Variants in FAM13A observed in about 807,000 individuals in gnomAD.
FAM13A encodes family with sequence similarity 13 member A.
Under a neutral mutation model 129.6 loss-of-function variants are expected in FAM13A, and 76 were observed. That is an observed-to-expected ratio of 0.59 (90% CI 0.49 to 0.71). The LOEUF (loss-of-function observed/expected upper bound fraction) is 0.71, where lower values mean the gene tolerates loss of function less well. Ranked by LOEUF, FAM13A falls within the 30% of genes least tolerant of loss-of-function variation. FAM13A has a pLI of 0.00. For missense variants in FAM13A, 1,108 were observed against 1,249.3 expected (o/e 0.89, Z 1.70); for synonymous variants, 443 against 449.9 (o/e 0.98, Z 0.20).
At chr4:88,961,391 T>C (rs1199797173) in intron 4 of FAM13A, among the ~76,000 whole-genome samples, 4 of 119,596 alleles carry the variant, frequency 3.3e-5, no homozygotes, top group African/African-American at 1.2e-4. Flanking sequence ...TTTTTGAGAC[T>C]GAGTCTTGCT....
At position 89,043,399 on chromosome 4, in the gene FAM13A, C is replaced by T. The variant is rs181647537; in HGVS notation, c.27+13539G>A. Among the ~76,000 whole-genome samples the T allele has an allele frequency of 7.6e-4, 116 of 152,204 alleles. 1 individual carries two copies. The highest frequency in any genetic ancestry group is 3.5e-3 in the Admixed American group (54 of 15,282). On this transcript the variant is annotated intron_variant, in intron 1 of 23. Coordinates refer to ENST00000264344, the MANE Select transcript of FAM13A (RefSeq NM_014883.4). ...AAGGAGAGATGGGCAAACAGAGGGGCTGTATTAAGAAAACAGTCATTTTTG... is the reference window on the plus strand; with the variant it reads ...AAGGAGAGATGGGCAAACAGAGGGGTTGTATTAAGAAAACAGTCATTTTTG...
intron 19 of FAM13A, among the ~76,000 whole-genome samples, chr4:88,740,743 T>A (rs1163056700): frequency 6.6e-6 from 1 of 152,232 alleles, no homozygotes; most frequent in African/African-American, 2.4e-5. Context: ...CTCAAAGTGA[T>A]CAACAGCAAG....
chr4:88,837,558 A>G (rs959291541), intron 7 of FAM13A, among the ~76,000 whole-genome samples: 1 of 151,608 alleles, frequency 6.6e-6, no homozygotes, highest in East Asian at 2.0e-4. Context: ...TGTACTAAAA[A>G]TACAAAAAAA....
intron 4 of FAM13A, among the ~76,000 whole-genome samples, chr4:88,945,715 T>C (rs1025333698): frequency 1.4e-5 from 2 of 146,902 alleles, no homozygotes; most frequent in Non-Finnish European, 3.0e-5. Flanking sequence ...TCAAACATTA[T>C]AAAAAGTCAC....
At chr4:88,992,858 T>C (rs1017878616) in intron 3 of FAM13A, among the ~76,000 whole-genome samples, 1 of 152,184 alleles carries the variant, frequency 6.6e-6, no homozygotes. Flanking sequence ...AGAATAAAAA[T>C]GTAATTCAGT....
chr4:88,887,530 C>CTTTTTTT lies in FAM13A; in HGVS notation c.843+18848_843+18849insAAAAAAA, dbSNP rs33953927. 3.1e-5 allele frequency among the ~76,000 whole-genome samples: 4 copies of CTTTTTTT among 128,756 alleles called. 1 individual carries two copies. Among genetic ancestry groups the CTTTTTTT allele is most frequent in the African/African-American group, 5.7e-5 (2 of 35,338 alleles). The allele number at this position is 128,756 out of a possible 152,430, so 84.5% of individuals were successfully genotyped here. ...TTGGTTCACATATGTACCTTTCTTT[C>CTTTTTTT]TTTCTTTTTTTTTTTTTTGAGACAG... On this transcript the variant is annotated intron_variant, in intron 6 of 23. Transcript: ENST00000264344.
chr4:88,955,435 C>T (rs999513220), intron 4 of FAM13A, among the ~76,000 whole-genome samples: 2 of 152,232 alleles, frequency 1.3e-5, no homozygotes, highest in Admixed American at 6.5e-5. Flanking sequence ...TACCCAGTCT[C>T]GGGTATGTCT....
chr4:88,859,742 T>C (rs1305571045), intron 6 of FAM13A, among the ~76,000 whole-genome samples: 1 of 152,168 alleles, frequency 6.6e-6, no homozygotes, highest in African/African-American at 2.4e-5. Flanking sequence ...ATTCAGGTAC[T>C]AAGATAGGCA....
intron 7 of FAM13A, among the ~76,000 whole-genome samples, chr4:88,847,244 A>T (rs1736791841): frequency 6.6e-6 from 1 of 152,166 alleles, no homozygotes; most frequent in African/African-American, 2.4e-5. Context: ...TGGGCTGGAC[A>T]TGGTGGTTCA....
rs781682577 is a variant in FAM13A at position 88,823,052 on chromosome 4, G to T, written c.1008-18000C>A. ...GAATCTCACAACTGTCTCTTCCACGGCAAGTTTGGTCGTCTGTACAGTGAA... is the reference window on the plus strand; with the variant it reads ...GAATCTCACAACTGTCTCTTCCACGTCAAGTTTGGTCGTCTGTACAGTGAA... On this transcript the variant is annotated intron_variant, in intron 7 of 23. Transcript: ENST00000264344. 7.4e-6 allele frequency: 12 copies of T among 1,611,630 alleles called. No homozygotes were observed. In the Admixed American group the frequency reaches 1.2e-4, roughly 16 times the overall value.
intron 3 of FAM13A, among the ~76,000 whole-genome samples, chr4:89,003,283 G>GAAA (rs33992424): frequency 6.8e-6 from 1 of 146,484 alleles, no homozygotes; most frequent in Non-Finnish European, 1.5e-5. Context: ...GAGCAATTTG[G>GAAA]AAAAAAAAAA....
At chr4:88,827,241 A>G (rs1444560939) in intron 7 of FAM13A, among the ~76,000 whole-genome samples, 1 of 152,160 alleles carries the variant, frequency 6.6e-6, no homozygotes, top group African/African-American at 2.4e-5. Context: ...TTGGGAATTC[A>G]CCAAACCTTC....
chr4:88,975,388 C>T (rs1469545680), intron 4 of FAM13A, among the ~76,000 whole-genome samples: 1 of 152,068 alleles, frequency 6.6e-6, no homozygotes. Flanking sequence ...TAAAAATTTG[C>T]CACTGAATTC....
chr4:89,041,985 C>T (rs569932296), intron 1 of FAM13A, among the ~76,000 whole-genome samples: 62 of 151,976 alleles, frequency 4.1e-4, no homozygotes, highest in African/African-American at 1.4e-3. Flanking sequence ...GTTTCTCTTC[C>T]TTAGTAAGAG....
At chr4:88,925,553 T>G (rs1579310477) in intron 5 of FAM13A, among the ~76,000 whole-genome samples, 1 of 67,270 alleles carries the variant, frequency 1.5e-5, no homozygotes, top group Non-Finnish European at 2.7e-5. Flanking sequence ...TGGGGACTGT[T>G]GTGGGGTGGG....
chr4:88,930,760 G>A (rs940861347), intron 5 of FAM13A, among the ~76,000 whole-genome samples: 2 of 152,216 alleles, frequency 1.3e-5, no homozygotes, highest in Admixed American at 1.3e-4. Flanking sequence ...AAGTGGTATG[G>A]GTGATGGCAT....
At chr4:88,735,895 T>C (rs1021441241) in intron 21 of FAM13A, among the ~76,000 whole-genome samples, 2 of 152,216 alleles carry the variant, frequency 1.3e-5, no homozygotes, top group Admixed American at 1.3e-4. Flanking sequence ...GGGAAAAATG[T>C]CTTTTATAAA....
At chr4:88,866,473 C>T (rs1372724136) in intron 6 of FAM13A, among the ~76,000 whole-genome samples, 1 of 152,178 alleles carries the variant, frequency 6.6e-6, no homozygotes, top group Non-Finnish European at 1.5e-5. Flanking sequence ...AGTGACTGTG[C>T]CCGGCACTTT....
chr4:89,034,968 G>A (rs933700004), intron 1 of FAM13A, among the ~76,000 whole-genome samples: 2 of 152,180 alleles, frequency 1.3e-5, no homozygotes, highest in Admixed American at 6.5e-5. Context: ...CAAAGACATG[G>A]AATGAATTTG....
Sources: gnomAD v4.1 joint callset for allele counts (sites outside exome capture counted in the v4.1 genomes callset) on GRCh38, gnomAD v4.1.1 for gene constraint, MANE v1.5 for transcripts, NCBI Gene and HGNC (gene_info 2026-07-23, HGNC 2026-07-21) for gene names.